CERKL: variants seen among roughly 807,000 people sequenced by gnomAD.
CERKL encodes the protein ceramide kinase-like protein.
CERKL carries 61 observed loss-of-function variants against 63.4 expected under a neutral mutation model. The ratio of observed to expected loss-of-function variants is 0.96; its 90% CI spans 0.78 to 1.19. The LOEUF (loss-of-function observed/expected upper bound fraction) is 1.19, where lower values mean the gene tolerates loss of function less well. Ranked by LOEUF, CERKL falls within the 50% of genes most tolerant of loss-of-function variation. The pLI is 0.00. For synonymous variants in CERKL, 250 were observed against 230.5 expected (o/e 1.08, Z -0.77); for missense variants, 675 against 655.5 (o/e 1.03, Z -0.33).
rs762307171 is a variant in CERKL at position 181,558,731 on chromosome 2, A to C, written c.678-23T>G. 6.2e-7 allele frequency: 1 copy of C among 1,612,632 alleles called. No homozygotes were observed. The highest frequency in any genetic ancestry group is 8.5e-7 in the Non-Finnish European group (1 of 1,179,080). ...ACACTAGAAAAATACAAATCAAGCA[A>C]AGAAGGCAAAACTTCAGAATGATTG... On this transcript the variant is annotated intron_variant, in intron 4 of 12. Transcript: ENST00000410087. This position sits in a 1 kb window ranked among gnomAD's most constrained non-coding sequence, Gnocchi z 4.2.
chr2:181,578,289 A>AAG (rs1281650265), intron 2 of CERKL, among the ~76,000 whole-genome samples: 3 of 151,700 alleles, frequency 2.0e-5, no homozygotes, highest in Non-Finnish European at 4.4e-5. Context: ...TAGACAGAGA[A>AAG]AGAGAGAGAG....
In CERKL at chr2:181,537,371, A is replaced by G. The variant is rs1574421937; in HGVS notation, c.*813T>C. The G allele has an allele frequency of 2.2e-6, 1 of 453,886 alleles. No homozygotes were observed. The highest frequency in any genetic ancestry group is 7.0e-5 in the East Asian group (1 of 14,308). The allele number at this position is 453,886 out of a possible 1,614,324, so 28.1% of individuals were successfully genotyped here. ...GCCTCTCAGATACAAGGGGAACACA[A>G]TTACATATTGGGCTAGATTTTGCCC... On this transcript the variant is annotated 3_prime_UTR_variant, in exon 13 of 13. Coordinates refer to ENST00000410087, the MANE Select transcript of CERKL (RefSeq NM_201548.5).
At chr2:181,542,958 G>T (rs567957359) in intron 11 of CERKL, among the ~76,000 whole-genome samples, 1 of 152,172 alleles carries the variant, frequency 6.6e-6, no homozygotes, top group African/African-American at 2.4e-5. Flanking sequence ...TGCCCCATAG[G>T]CAATTTCAAA....
At chr2:181,595,271 A>C (rs1685154238) in intron 2 of CERKL, among the ~76,000 whole-genome samples, 1 of 152,162 alleles carries the variant, frequency 6.6e-6, no homozygotes, top group Admixed American at 6.5e-5. Flanking sequence ...TGCACACCCA[A>C]TTCAGGCCAA....
intron 5 of CERKL, among the ~76,000 whole-genome samples, chr2:181,553,144 C>T (rs1049081354): frequency 6.6e-6 from 1 of 152,106 alleles, no homozygotes; most frequent in South Asian, 2.1e-4. Flanking sequence ...AGTCTATGGA[C>T]CCTAAGTTTT....
chr2:181,560,322 G>A lies in CERKL; in HGVS notation c.678-1614C>T, dbSNP rs541454068. 7.9e-5 allele frequency among the ~76,000 whole-genome samples: 12 copies of A among 152,190 alleles called. No individual in the cohort carries two copies. In the South Asian group the frequency reaches 1.9e-3, roughly 24 times the overall value. On this transcript the variant is annotated intron_variant, in intron 4 of 12. Transcript: ENST00000410087. ...CTTGACCCTTACATACATAGGATGC[G>A]AACACTTAACTCCTAGAATGTTGCA...
intron 4 of CERKL, among the ~76,000 whole-genome samples, 181 bp downstream of exon 4, chr2:181,565,875 TGA>T (rs969495885): frequency 1.1e-4 from 17 of 152,160 alleles, no homozygotes; most frequent in African/African-American, 4.1e-4. Flanking sequence ...TGCCAGATCC[TGA>T]GAGATAGATG....
At chr2:181,631,828 A>C (rs755688353) in intron 1 of CERKL, among the ~76,000 whole-genome samples, 2 of 152,208 alleles carry the variant, frequency 1.3e-5, no homozygotes, top group Non-Finnish European at 2.9e-5. Context: ...GTTTCTCTAA[A>C]GGTAACCAAG....
At chr2:181,573,920 C>G in intron 2 of CERKL, 36 bp from the exon 3 acceptor site, 1 of 1,601,240 alleles carries the variant, frequency 6.2e-7, no homozygotes, top group Non-Finnish European at 8.5e-7. Context: ...TTGTAAAGTC[C>G]TTGTCATCAT....
rs1687791244 is a variant in CERKL, at chr2:181,547,720, T to C, written c.1166A>G (p.Asn389Ser). 6.2e-6 allele frequency: 10 copies of C among 1,613,990 alleles called. No homozygotes were observed. Among genetic ancestry groups the C allele is most frequent in the Non-Finnish European group, 7.6e-6 (9 of 1,179,904 alleles). The change falls in exon 10 of 13, where the codon AAT becomes AGT. Residue 389 changes from asparagine (N) to serine (S), a missense_variant. Asn to Ser is a conservative substitution (Grantham distance 46). Transcript: ENST00000410087. ...ACCCTGGATCATTTGCCATTGATCA[T>C]TACAGTCTAAAGGTAATGAAAGTGA... is the stretch of plus-strand genomic sequence containing the variant. Reference protein sequence around the residue: ...RAQGSPKSDCNDQWQMIQGQF... With the variant: ...RAQGSPKSDCSDQWQMIQGQF...
At chr2:181,566,395 G>A (rs1468780580) in intron 3 of CERKL, among the ~76,000 whole-genome samples, 1 of 152,122 alleles carries the variant, frequency 6.6e-6, no homozygotes, top group African/African-American at 2.4e-5. Flanking sequence ...AATTTGTCCT[G>A]GTGCCTGTTT....
rs538157990 is a variant in CERKL at position 181,578,058 on chromosome 2, T to C, written c.482-4174A>G. Among the ~76,000 whole-genome samples the C allele has an allele frequency of 1.6e-3, 244 of 152,316 alleles. 9 individuals are homozygous for C. In the South Asian group the frequency reaches 0.049, roughly 31 times the overall value. ...GACTGCTTTCTCTATAGGTAAATCATACACATGCTACAGAATTCAAAATCA... is the reference window on the plus strand; with the variant it reads ...GACTGCTTTCTCTATAGGTAAATCACACACATGCTACAGAATTCAAAATCA... On this transcript the variant is annotated intron_variant, in intron 2 of 12. Transcript: ENST00000410087.
chr2:181,612,038 T>C (rs1391884276), intron 1 of CERKL, among the ~76,000 whole-genome samples: 1 of 152,226 alleles, frequency 6.6e-6, no homozygotes, highest in East Asian at 1.9e-4. Context: ...CTGTACTTCA[T>C]TTGTATTATC....
At chr2:181,538,397 T>C (rs541955037) in intron 12 of CERKL, among the ~76,000 whole-genome samples, 153 bp from the exon 13 acceptor site, 13 of 152,318 alleles carry the variant, frequency 8.5e-5, no homozygotes, top group African/African-American at 2.6e-4. Flanking sequence ...GAAGGTCTGA[T>C]TGATAAATCA....
chr2:181,573,253 T>G (rs1278300589), intron 3 of CERKL, among the ~76,000 whole-genome samples: 1 of 152,218 alleles, frequency 6.6e-6, no homozygotes, highest in Non-Finnish European at 1.5e-5. Flanking sequence ...TTTCTTAGTT[T>G]AGACAACAAA....
chr2:181,570,066 A>C (rs1688839673), intron 3 of CERKL, among the ~76,000 whole-genome samples: 1 of 152,174 alleles, frequency 6.6e-6, no homozygotes, highest in South Asian at 2.1e-4. Flanking sequence ...TATTGAGCCA[A>C]TATGCATACT....
At chr2:181,540,714 A>G (rs567838604) in intron 11 of CERKL, among the ~76,000 whole-genome samples, 102 of 152,318 alleles carry the variant, frequency 6.7e-4, no homozygotes, top group African/African-American at 2.4e-3. Context: ...GTGAAGCCAC[A>G]GACGCTGTTA....
intron 5 of CERKL, among the ~76,000 whole-genome samples, chr2:181,556,493 G>A (rs1457383546): frequency 1.3e-5 from 2 of 151,922 alleles, no homozygotes; most frequent in African/African-American, 4.8e-5. Flanking sequence ...AACATGCGGT[G>A]TTTCGTTTTT....
chr2:181,607,564 A>G (rs932975610), intron 1 of CERKL, among the ~76,000 whole-genome samples: 2 of 152,248 alleles, frequency 1.3e-5, no homozygotes, highest in African/African-American at 4.8e-5. Flanking sequence ...GCTGGATAGT[A>G]TATGCAAAGG....
Sources: gnomAD v4.1 joint callset for allele counts (sites outside exome capture counted in the v4.1 genomes callset) on GRCh38, gnomAD v4.1.1 for gene constraint, Gnocchi (gnomAD v3.1) non-coding constraint, MANE v1.5 for transcripts, NCBI Gene and HGNC (gene_info 2026-07-23, HGNC 2026-07-21) for gene names.